The following FABP6 variants were observed in gnomAD, a reference collection of about 807,000 sequenced individuals.
The protein encoded by FABP6 is fatty acid binding protein 6.
FABP6 carries 13 observed loss-of-function variants against 14.9 expected under a neutral mutation model. The ratio of observed to expected loss-of-function variants is 0.87; its 90% CI spans 0.57 to 1.39. The LOEUF is 1.39. Among genes scored for constraint, FABP6 ranks in the 40% most tolerant of loss-of-function variants. FABP6 has a pLI of 0.00. For synonymous variants in FABP6, 75 were observed against 63.6 expected (o/e 1.18, Z -0.85); for missense variants, 161 against 167.2 (o/e 0.96, Z 0.20).
chr5:160,231,547 C>G (rs1580923386), intron 1 of FABP6, among the ~76,000 whole-genome samples: 1 of 152,138 alleles, frequency 6.6e-6, no homozygotes, highest in East Asian at 1.9e-4. Flanking sequence ...GCACCTGCCA[C>G]CATGCCCAGA....
At chr5:160,193,389 A>T (rs1265252121) in intron 1 of FABP6, among the ~76,000 whole-genome samples, 1 of 151,940 alleles carries the variant, frequency 6.6e-6, no homozygotes, top group Non-Finnish European at 1.5e-5. Flanking sequence ...AGCAAGATTT[A>T]TTGCAAAGAG....
At chr5:160,217,533 C>T (rs1157045462) in intron 3 of FABP6, among the ~76,000 whole-genome samples, 1 of 152,178 alleles carries the variant, frequency 6.6e-6, no homozygotes, top group East Asian at 1.9e-4. Context: ...TTAACACACT[C>T]ACTTAACACA....
intron 1 of FABP6, among the ~76,000 whole-genome samples, chr5:160,194,344 A>G (rs534184640): frequency 2.6e-5 from 4 of 152,168 alleles, no homozygotes; most frequent in African/African-American, 9.7e-5. Flanking sequence ...CAGCCCAGAA[A>G]GGGACTCCCA....
At chr5:160,229,827 TTTTA>T (rs1760333293) in intron 1 of FABP6, among the ~76,000 whole-genome samples, 1 of 352 alleles carries the variant, frequency 2.8e-3, no homozygotes, top group African/African-American at 6.5e-3. Flanking sequence ...AACTTTTTTA[TTTTA>T]TTTTATTTTA....
intron 2 of FABP6, among the ~76,000 whole-genome samples, chr5:160,209,288 A>C (rs1759835066): frequency 6.6e-6 from 1 of 151,964 alleles, no homozygotes; most frequent in Non-Finnish European, 1.5e-5. Flanking sequence ...AGGCCAAGGC[A>C]GGCAAATCAC....
chr5:160,227,547 A>C (rs1293682950), upstream of FABP6, among the ~76,000 whole-genome samples: 2 of 139,484 alleles, frequency 1.4e-5, no homozygotes, highest in Non-Finnish European at 3.2e-5. Flanking sequence ...AAAAAAAGGC[A>C]TGGTGGCATG....
chr5:160,218,119 T>G (rs960823345), intron 3 of FABP6, among the ~76,000 whole-genome samples: 7 of 151,574 alleles, frequency 4.6e-5, no homozygotes, highest in African/African-American at 1.7e-4. Flanking sequence ...TTTCTGTTTG[T>G]TTTTTTTAGG....
intron 3 of FABP6, among the ~76,000 whole-genome samples, chr5:160,238,247 A>G (rs527789132): frequency 3.3e-5 from 5 of 152,310 alleles, no homozygotes; most frequent in African/African-American, 1.2e-4. Context: ...TGGAAGGATT[A>G]CTTGACTTCT....
chr5:160,222,485 C>A (rs1028000467), intron 3 of FABP6, among the ~76,000 whole-genome samples: 1 of 152,104 alleles, frequency 6.6e-6, no homozygotes, highest in Non-Finnish European at 1.5e-5. Flanking sequence ...AGGTGCCCAC[C>A]ACCACACCCG....
chr5:160,197,437 G>T (rs1759532027), intron 1 of FABP6: 1 of 152,234 alleles, frequency 6.6e-6, no homozygotes, highest in Non-Finnish European at 1.5e-5. Context: ...GCATGACCTT[G>T]GGTGAATAAT....
intron 1 of FABP6, among the ~76,000 whole-genome samples, chr5:160,194,335 A>C (rs1280589987): frequency 3.3e-5 from 5 of 152,304 alleles, no homozygotes; most frequent in African/African-American, 1.2e-4. Flanking sequence ...AGCCTTGGCC[A>C]GCCCAGAAAG....
At chr5:160,197,921 C>CGTGTGTGTGTGTGTGTGT (rs34714032) in intron 1 of FABP6, 4,060 of 126,780 alleles carry the variant, frequency 0.032, 181 homozygotes, top group African/African-American at 0.045. Flanking sequence ...AAGGCTGCTT[C>CGTGTGTGTGTGTGTGTGT]GTGTGTGTGT....
intron 1 of FABP6, among the ~76,000 whole-genome samples, chr5:160,230,914 A>G (rs1418678078): frequency 6.6e-6 from 1 of 152,244 alleles, no homozygotes; most frequent in African/African-American, 2.4e-5. Context: ...GTGGGCAGAG[A>G]GACCAGTGAT....
At chr5:160,238,091 T>C (rs1580927915) in intron 3 of FABP6, among the ~76,000 whole-genome samples, 1 of 152,140 alleles carries the variant, frequency 6.6e-6, no homozygotes, top group East Asian at 1.9e-4. Context: ...CACCGCACAC[T>C]GTGGGCCTTC....
intron 3 of FABP6, among the ~76,000 whole-genome samples, chr5:160,238,223 A>C (rs971296172): frequency 3.9e-5 from 6 of 152,196 alleles, no homozygotes; most frequent in African/African-American, 1.4e-4. Context: ...TGGTGCAGCC[A>C]TGGCGTGTGG....
upstream of FABP6, among the ~76,000 whole-genome samples, chr5:160,224,556 T>C (rs1199510222): frequency 6.6e-6 from 1 of 152,170 alleles, no homozygotes; most frequent in African/African-American, 2.4e-5. Context: ...AATAATGAGA[T>C]AGACCAAAAG....
At chr5:160,235,435 C>A (rs1760487573) in intron 3 of FABP6, among the ~76,000 whole-genome samples, 2 of 152,138 alleles carry the variant, frequency 1.3e-5, no homozygotes, top group Non-Finnish European at 2.9e-5. Context: ...TAAAAAAATT[C>A]TGTAAATATT....
chr5:160,215,374 G>A (rs537036040), intron 3 of FABP6, among the ~76,000 whole-genome samples: 3 of 152,290 alleles, frequency 2.0e-5, no homozygotes, highest in South Asian at 4.1e-4. Flanking sequence ...TTAGCCGGGT[G>A]TGTTGGCAGG....
At chr5:160,231,925 C>A in intron 1 of FABP6, 173 bp from the exon 2 acceptor site, 1 of 646,504 alleles carries the variant, frequency 1.5e-6, no homozygotes, top group Non-Finnish European at 2.6e-6. Context: ...CTTTCCCCAG[C>A]CACATGGCTC....
Sources: gnomAD v4.1 joint callset for allele counts (sites outside exome capture counted in the v4.1 genomes callset) on GRCh38, gnomAD v4.1.1 for gene constraint, MANE v1.5 for transcripts, NCBI Gene and HGNC (gene_info 2026-07-23, HGNC 2026-07-21) for gene names.